WDR70: variants seen among roughly 807,000 people sequenced by gnomAD.
WDR70 encodes the protein WD repeat-containing protein 70.
In WDR70, 53 loss-of-function variants were observed where a neutral mutation model predicts 88.6. The observed-to-expected ratio is 0.60, with a 90% CI of 0.48 to 0.75. The LOEUF (loss-of-function observed/expected upper bound fraction) is 0.75. Among genes scored for constraint, WDR70 ranks in the 30% least tolerant of loss-of-function variants. The pLI is 0.00. For synonymous variants in WDR70, 280 were observed against 270.0 expected (o/e 1.04, Z -0.36); for missense variants, 610 against 823.2 (o/e 0.74, Z 3.17).
At chr5:37,688,162 C>A (rs185962264) in intron 10 of WDR70, among the ~76,000 whole-genome samples, 364 of 152,084 alleles carry the variant, frequency 2.4e-3, no homozygotes, top group Non-Finnish European at 4.3e-3. Context: ...TATGCATTTG[C>A]CTGTTTTGCC....
intron 12 of WDR70, among the ~76,000 whole-genome samples, chr5:37,701,680 G>A (rs1180501204): frequency 6.6e-6 from 1 of 151,772 alleles, no homozygotes; most frequent in African/African-American, 2.4e-5. Context: ...CAGCTACTCG[G>A]GAGGCTGAGG....
intron 8 of WDR70, among the ~76,000 whole-genome samples, chr5:37,510,865 C>T (rs1031454275): frequency 6.6e-6 from 1 of 152,170 alleles, no homozygotes; most frequent in East Asian, 1.9e-4. Flanking sequence ...TTGATTTTAC[C>T]TCATAGTTTG....
At chr5:37,741,508 C>A (rs979896626) in intron 17 of WDR70, among the ~76,000 whole-genome samples, 2 of 152,094 alleles carry the variant, frequency 1.3e-5, no homozygotes, top group African/African-American at 4.8e-5. Flanking sequence ...TGGGATGAAA[C>A]TGTTCCACCT....
At chr5:37,565,487 ATTCCCT>A (rs1742711271) in intron 9 of WDR70, among the ~76,000 whole-genome samples, 1 of 152,116 alleles carries the variant, frequency 6.6e-6, no homozygotes, top group African/African-American at 2.4e-5. Context: ...TGCAAAAGTC[ATTCCCT>A]TTTGATCTTA....
chr5:37,618,629 A>G (rs1744414281), intron 10 of WDR70, among the ~76,000 whole-genome samples: 1 of 152,136 alleles, frequency 6.6e-6, no homozygotes, highest in Admixed American at 6.5e-5. Flanking sequence ...TTTAGCCTTG[A>G]CATAGGGAAA....
At chr5:37,715,444 C>T (rs1388499507) in intron 13 of WDR70, among the ~76,000 whole-genome samples, 4 of 151,840 alleles carry the variant, frequency 2.6e-5, no homozygotes, top group Admixed American at 2.6e-4. Context: ...CATATGCTCA[C>T]TTAGCAAGAT....
rs1208859860 is a variant in WDR70, at chr5:37,549,357, T to G, written c.917+32767T>G. 2.0e-5 allele frequency among the ~76,000 whole-genome samples: 3 copies of G among 152,212 alleles called. No homozygotes were observed. The East Asian group carries it at 5.8e-4, about 29-fold the overall frequency. On this transcript the variant is annotated intron_variant, in intron 9 of 17. Transcript: ENST00000265107. ...TCATTGTAGAGATCTTTTACTTCTT[T>G]GGTTAAATTAATTCCTAGGTATTTA...
intron 5 of WDR70, among the ~76,000 whole-genome samples, chr5:37,426,109 C>T (rs528481523): frequency 9.9e-5 from 15 of 152,038 alleles, no homozygotes; most frequent in African/African-American, 3.4e-4. Flanking sequence ...GACAGAACCC[C>T]GAGGGACAGA....
intron 7 of WDR70, among the ~76,000 whole-genome samples, chr5:37,449,940 C>T (rs369545995): frequency 2.0e-5 from 3 of 152,092 alleles, no homozygotes; most frequent in African/African-American, 7.2e-5. Context: ...ATATTCCCCT[C>T]CTTGTGTCCA....
At chr5:37,688,587 A>T (rs767142878) in intron 10 of WDR70, among the ~76,000 whole-genome samples, 3 of 151,962 alleles carry the variant, frequency 2.0e-5, no homozygotes, top group Non-Finnish European at 1.5e-5. Context: ...ACTTGATGGG[A>T]TATAAGGAAG....
intron 2 of WDR70, among the ~76,000 whole-genome samples, chr5:37,380,564 G>T (rs567725315): frequency 6.6e-6 from 1 of 151,984 alleles, no homozygotes; most frequent in South Asian, 2.1e-4. Context: ...GGATGATCTC[G>T]ATCTCCTGAC....
intron 6 of WDR70, among the ~76,000 whole-genome samples, chr5:37,439,497 T>C (rs1160914120): frequency 6.6e-6 from 1 of 152,140 alleles, no homozygotes; most frequent in Non-Finnish European, 1.5e-5. Context: ...TTCACAAGTT[T>C]GATTTAAATA....
intron 9 of WDR70, among the ~76,000 whole-genome samples, chr5:37,578,047 A>T (rs911577317): frequency 8.2e-5 from 5 of 60,934 alleles, no homozygotes; most frequent in African/African-American, 5.3e-4. Context: ...AAAAGGCTTC[A>T]AGGAATAGAT....
intron 9 of WDR70, among the ~76,000 whole-genome samples, chr5:37,593,149 G>C (rs1426893893): frequency 6.6e-6 from 1 of 152,026 alleles, no homozygotes; most frequent in Non-Finnish European, 1.5e-5. Flanking sequence ...GCAAGACTCT[G>C]TCTCTCTCTC....
chr5:37,483,088 G>T (rs1000461874), intron 8 of WDR70, among the ~76,000 whole-genome samples: 9 of 144,170 alleles, frequency 6.2e-5, no homozygotes, highest in Non-Finnish European at 1.4e-4. Context: ...AAAAAGGAAA[G>T]AAAGTGGTCT....
Position 37,720,872 on chromosome 5 carries a change from G to A in WDR70, c.1417-243G>A, listed in dbSNP as rs564342241. On this transcript the variant is annotated intron_variant, in intron 13 of 17. Transcript: ENST00000265107. ...TTGTGGTTTCAGGGCTGTCCAGAAA[G>A]GGAGATAATGTCAGGAAGAGAACAT... 3.2e-3 allele frequency among the ~76,000 whole-genome samples: 491 copies of A among 152,274 alleles called. 4 individuals carry two copies. The highest frequency in any genetic ancestry group is 2.4e-3 in the Non-Finnish European group (164 of 68,018).
At chr5:37,688,024 T>A (rs1179710904) in intron 10 of WDR70, 2 of 651,688 alleles carry the variant, frequency 3.1e-6, no homozygotes, top group Non-Finnish European at 5.7e-6. Flanking sequence ...TATCTCACTT[T>A]GTTTACTGGT....
chr5:37,751,025 G>C (rs1038703435), intron 17 of WDR70, among the ~76,000 whole-genome samples: 3 of 152,122 alleles, frequency 2.0e-5, no homozygotes, highest in Non-Finnish European at 4.4e-5. Flanking sequence ...TGATGAGCTG[G>C]TGTCCTACGA....
At chr5:37,693,256 A>G (rs1454423977) in intron 10 of WDR70, among the ~76,000 whole-genome samples, 1 of 152,266 alleles carries the variant, frequency 6.6e-6, no homozygotes, top group East Asian at 1.9e-4. Flanking sequence ...GGATAGGAAG[A>G]ATCAATATCA....
Sources: gnomAD v4.1 joint callset for allele counts (sites outside exome capture counted in the v4.1 genomes callset) on GRCh38, gnomAD v4.1.1 for gene constraint, MANE v1.5 for transcripts, NCBI Gene and HGNC (gene_info 2026-07-23, HGNC 2026-07-21) for gene names.